Variants in DMD observed in about 807,000 individuals in gnomAD.
DMD encodes the protein mutant dystrophin.
In DMD, 63 loss-of-function variants were observed where a neutral mutation model predicts 330.1. The ratio of observed to expected loss-of-function variants is 0.19; its 90% confidence interval spans 0.16 to 0.24. The LOEUF is 0.24. DMD is among the 10% of genes least tolerant of loss of function. The probability of loss-of-function intolerance (pLI) is 1.00; values close to 1 mark genes in which losing one functional copy is unlikely to be tolerated. For synonymous variants in DMD, 1,223 were observed against 959.8 expected, an observed-to-expected ratio of 1.27 and a Z score of -5.07; for missense variants, 3,344 against 2,684.1, an observed-to-expected ratio of 1.25 and a Z score of -5.43.
chrX:31,748,994 C>A (rs1368508046), intron 51 of DMD, among the ~76,000 whole-genome samples: 2 of 111,296 alleles, frequency 1.8e-5, no homozygotes, highest in African/African-American at 6.6e-5. Context: ...ATCCCAACAA[C>A]AACTCTACCT....
At chrX:33,031,752 G>A (rs1005819306) in intron 1 of DMD, among the ~76,000 whole-genome samples, 26 of 110,397 alleles carry the variant, frequency 2.4e-4, no homozygotes, top group African/African-American at 7.6e-4. Flanking sequence ...GCCCCGACAG[G>A]AGTTCAAGAC....
chrX:31,379,509 A>G (rs939462660), intron 60 of DMD, among the ~76,000 whole-genome samples: 2 of 111,536 alleles, frequency 1.8e-5, no homozygotes, highest in Non-Finnish European at 3.8e-5. Context: ...TATTCTCAAT[A>G]TATATTTTAT....
intron 44 of DMD, among the ~76,000 whole-genome samples, chrX:32,053,975 A>G (rs2096139295): frequency 1.8e-5 from 2 of 109,608 alleles, no homozygotes; most frequent in Non-Finnish European, 3.8e-5. Flanking sequence ...AAATGCACAT[A>G]GGAAAATATT....
intron 25 of DMD, among the ~76,000 whole-genome samples, chrX:32,458,455 A>AG (rs1386100909): frequency 9.0e-6 from 1 of 111,474 alleles, no homozygotes; most frequent in Non-Finnish European, 1.9e-5. Context: ...CTGTAAACAT[A>AG]GGGGTGCAGA....
chrX:32,729,324 T>G (rs930478553), intron 7 of DMD, among the ~76,000 whole-genome samples: 44 of 112,262 alleles, frequency 3.9e-4, no homozygotes, highest in African/African-American at 1.2e-3. Flanking sequence ...ACATATATTT[T>G]GGGGCAAGTT....
At chrX:32,574,365 A>G (rs1190263130) in intron 13 of DMD, among the ~76,000 whole-genome samples, 1 of 112,040 alleles carries the variant, frequency 8.9e-6, no homozygotes, top group Non-Finnish European at 1.9e-5. Context: ...CTCAATTATT[A>G]CAAAAGTATT....
chrX:32,497,524 C>G (rs1279877003), intron 19 of DMD, among the ~76,000 whole-genome samples: 2 of 111,965 alleles, frequency 1.8e-5, no homozygotes, highest in African/African-American at 3.2e-5. Context: ...GTGAAAGGAT[C>G]TTAGAGACTA....
At chrX:32,307,204 G>A (rs1273322374) in intron 42 of DMD, among the ~76,000 whole-genome samples, 1 of 111,337 alleles carries the variant, frequency 9.0e-6, no homozygotes, top group Admixed American at 9.6e-5. Flanking sequence ...TGTGTGTAAG[G>A]TAGGACAGGG....
At chrX:32,720,882 C>T (rs746471488) in intron 7 of DMD, among the ~76,000 whole-genome samples, 1 of 111,641 alleles carries the variant, frequency 9.0e-6, no homozygotes, top group Non-Finnish European at 1.9e-5. Context: ...TTTCCTCACC[C>T]TCACTACTCC....
At chrX:32,815,520 T>TATATATAC in intron 6 of DMD, among the ~76,000 whole-genome samples, 5 of 78,918 alleles carry the variant, frequency 6.3e-5, no homozygotes, top group Admixed American at 1.5e-4. Flanking sequence ...TATATATATA[T>TATATATAC]ACACACACAC....
chrX:32,444,658 A>G (rs1419062956), intron 27 of DMD, among the ~76,000 whole-genome samples: 3 of 111,146 alleles, frequency 2.7e-5, no homozygotes, highest in Non-Finnish European at 5.7e-5. Flanking sequence ...TTGGTTGCCT[A>G]CATTTCATTT....
At chrX:31,281,137 A>G (rs2147883934) in intron 62 of DMD, among the ~76,000 whole-genome samples, 1 of 112,144 alleles carries the variant, frequency 8.9e-6, no homozygotes, top group Non-Finnish European at 1.9e-5. Flanking sequence ...TGACTGAAGA[A>G]GAAACAGCCA....
chrX:32,229,615 T>C (rs965915771), intron 43 of DMD, among the ~76,000 whole-genome samples: 1 of 94,982 alleles, frequency 1.1e-5, no homozygotes, highest in Non-Finnish European at 2.1e-5. Context: ...CTTAATGAAG[T>C]ATGATTGACA....
Position 33,243,286 on chromosome X carries a change from G to C in DMD, c.7+95973C>G, listed in dbSNP as rs753403959. The stretch of plus-strand genomic sequence containing the variant: ...GCTATGGGAATGCTACTGATATGTT[G>C]ATTTTGTATCCTGCAATTTTACTGA... On this transcript the variant is annotated intron_variant, in intron 1 of 17. Transcript: ENST00000288447. Among the ~76,000 whole-genome samples the C allele has an allele frequency of 3.6e-5, 4 of 111,733 alleles. No individual in the cohort carries two copies. In the East Asian group the frequency reaches 1.1e-3, roughly 31 times the overall value.
At chrX:32,737,539 T>C (rs1464756987) in intron 7 of DMD, among the ~76,000 whole-genome samples, 3 of 111,420 alleles carry the variant, frequency 2.7e-5, no homozygotes, top group African/African-American at 6.5e-5. Flanking sequence ...TAGTTTTGGG[T>C]TGATACAAAC....
intron 2 of DMD, among the ~76,000 whole-genome samples, chrX:32,995,785 T>C (rs1334462387): frequency 8.9e-6 from 1 of 111,873 alleles, no homozygotes; most frequent in Non-Finnish European, 1.9e-5. Context: ...AGCATTTTAG[T>C]ACCCCCAGAA....
At chrX:32,133,815 C>T (rs1168136249) in intron 44 of DMD, among the ~76,000 whole-genome samples, 2 of 111,456 alleles carry the variant, frequency 1.8e-5, no homozygotes, top group Admixed American at 9.6e-5. Context: ...AAGAGAAAAA[C>T]GTCCTTACAA....
intron 52 of DMD, among the ~76,000 whole-genome samples, chrX:31,696,902 G>A (rs1279975177): frequency 8.9e-6 from 1 of 112,186 alleles, no homozygotes; most frequent in Non-Finnish European, 1.9e-5. Flanking sequence ...CAGCTATTCT[G>A]CTATTTAATA....
chrX:32,745,898 A>T (rs1448056264), intron 7 of DMD, among the ~76,000 whole-genome samples: 4 of 112,170 alleles, frequency 3.6e-5, no homozygotes, highest in Middle Eastern at 4.2e-3. Flanking sequence ...CCTTAATAAA[A>T]ATGTTTCAGG....
Sources: allele counts gnomAD v4.1 joint callset (sites outside exome capture counted in the v4.1 genomes callset), GRCh38; gene constraint gnomAD v4.1.1; transcripts MANE v1.5; gene names NCBI Gene and HGNC (gene_info 2026-07-23, HGNC 2026-07-21).